DPH5: variants seen among roughly 807,000 people sequenced by gnomAD.
DPH5 encodes the protein diphthamide biosynthesis 5.
Under a neutral mutation model 31.6 loss-of-function variants are expected in DPH5, and 31 were observed. The observed-to-expected ratio is 0.98, with a 90% CI of 0.74 to 1.32. The LOEUF is 1.32. DPH5 is among the 40% of genes most tolerant of loss of function. The probability of loss-of-function intolerance (pLI) is 0.00; values close to 1 mark genes in which losing one functional copy is unlikely to be tolerated. For missense variants in DPH5, 309 were observed against 335.7 expected (o/e 0.92, Z 0.62); for synonymous variants, 120 against 115.0 (o/e 1.04, Z -0.28).
At chr1:101,002,099 G>C (rs1257380039) in intron 4 of DPH5, among the ~76,000 whole-genome samples, 2 of 152,140 alleles carry the variant, frequency 1.3e-5, no homozygotes, top group East Asian at 3.8e-4. Context: ...AGAAAACAAA[G>C]CATATGCTCA....
chr1:101,025,641 A>C (rs1364092758), intron 1 of DPH5, 42 bp downstream of exon 1: 1 of 631,034 alleles, frequency 1.6e-6, no homozygotes, highest in Non-Finnish European at 2.7e-6. Context: ...CAACCCTACC[A>C]GTTTTGCCTC....
At position 101,023,930 on chromosome 1, in the gene DPH5, CT is replaced by C. The variant is rs149730532; in HGVS notation, c.135+1378del. 5.2e-3 allele frequency among the ~76,000 whole-genome samples: 786 copies of C among 152,292 alleles called. 4 individuals carry two copies. Among genetic ancestry groups the C allele is most frequent in the Admixed American group, 9.5e-3 (145 of 15,310 alleles). ...ACCAAACTTTCCTCTATGCCATCCCCTGATATCTCATTCTATCAAACTGCTG... is the reference window on the plus strand; with the variant it reads ...ACCAAACTTTCCTCTATGCCATCCCCGATATCTCATTCTATCAAACTGCTG... On this transcript the variant is annotated intron_variant, in intron 2 of 7. Coordinates refer to ENST00000370109, the MANE Select transcript of DPH5 (RefSeq NM_015958.3).
At chr1:101,007,107 G>A (rs900757571) in intron 4 of DPH5, among the ~76,000 whole-genome samples, 19 of 152,088 alleles carry the variant, frequency 1.2e-4, no homozygotes, top group African/African-American at 4.6e-4. Flanking sequence ...AAGTATTTCA[G>A]AATTTGTAAT....
At chr1:100,992,551 A>G in intron 7 of DPH5, 86 bp downstream of exon 7, 1 of 901,742 alleles carries the variant, frequency 1.1e-6, no homozygotes, top group South Asian at 2.0e-5. Context: ...TCTTGCTTCC[A>G]TAGTGGTATG....
At chr1:101,010,535 C>A (rs1401035706) in intron 4 of DPH5, among the ~76,000 whole-genome samples, 1 of 152,122 alleles carries the variant, frequency 6.6e-6, no homozygotes, top group African/African-American at 2.4e-5. Flanking sequence ...ACAAAAACAA[C>A]AGAATAGTTC....
rs373947841 is a variant in DPH5 at position 100,992,731 on chromosome 1, C to T, written c.540G>A (p.Lys180=). Residue 180 remains lysine, a synonymous_variant, in exon 7 of 8, where the codon AAG becomes AAA. Transcript: ENST00000370109. ...QSLENLIKGR[K]IYEPPRYMSV... Reference sequence around the variant, plus strand: ...TCATATACCGTGGAGGTTCATAGATCTTCCTTCCCCTATAGGCAGAAAACT... The same window carrying T: ...TCATATACCGTGGAGGTTCATAGATTTTCCTTCCCCTATAGGCAGAAAACT... The T allele has an allele frequency of 1.9e-6, 3 of 1,611,850 alleles. No homozygotes were observed. The highest frequency in any genetic ancestry group is 2.7e-5 in the African/African-American group (2 of 74,994).
At position 100,990,266 on chromosome 1, in the gene DPH5, C is replaced by A. The variant is rs1657545076; in HGVS notation, c.*142G>T. 1 of 714,310 alleles carries A rather than the reference C, an allele frequency of 1.4e-6. No individual in the cohort carries two copies. Among genetic ancestry groups the A allele is most frequent in the South Asian group, 1.8e-5 (1 of 56,656 alleles). 44.2% of individuals were successfully genotyped at this position (714,310 alleles called of 1,614,324 possible). On this transcript the variant is annotated 3_prime_UTR_variant, in exon 8 of 8. Transcript: ENST00000370109. ...CATGAGAATAGCATGAGGGAAACTG[C>A]CCCCATGATTCAATTACCTACCACA... is the stretch of plus-strand genomic sequence containing the variant.
intron 4 of DPH5, 190 bp downstream of exon 4, chr1:101,013,520 C>A: frequency 2.4e-6 from 1 of 409,932 alleles, no homozygotes; most frequent in East Asian, 3.6e-5. Flanking sequence ...CATTCGATTC[C>A]AATAAGGGGG....
chr1:101,021,965 G>A (rs1251493345), intron 2 of DPH5, among the ~76,000 whole-genome samples, 200 bp from the exon 3 acceptor site: 1 of 152,034 alleles, frequency 6.6e-6, no homozygotes, highest in East Asian at 1.9e-4. Flanking sequence ...ATTAAACTCT[G>A]TATTTGGGGC....
At chr1:100,999,600 G>T (rs547186330) in intron 5 of DPH5, among the ~76,000 whole-genome samples, 2 of 151,982 alleles carry the variant, frequency 1.3e-5, no homozygotes, top group African/African-American at 2.4e-5. Context: ...CAGCACTTTG[G>T]GGGGCAGAGG....
At position 101,025,291 on chromosome 1, in the gene DPH5, G is replaced by A. The variant is rs1208376565; in HGVS notation, c.135+18C>T. 5.6e-6 allele frequency: 9 copies of A among 1,612,404 alleles called. No individual in the cohort carries two copies. The highest frequency in any genetic ancestry group is 1.1e-5 in the South Asian group (1 of 90,824). On this transcript the variant is annotated intron_variant, in intron 2 of 7. Coordinates refer to ENST00000370109, the MANE Select transcript of DPH5 (RefSeq NM_015958.3). ...GATAGCTTTCTTCCCAGGAGGCTGGGGAACGCTCAGCACCTACCAAGGCTT... is the reference window on the plus strand; with the variant it reads ...GATAGCTTTCTTCCCAGGAGGCTGGAGAACGCTCAGCACCTACCAAGGCTT...
intron 3 of DPH5, among the ~76,000 whole-genome samples, chr1:101,020,426 C>G (rs1382003683): frequency 6.6e-6 from 1 of 152,056 alleles, no homozygotes; most frequent in Non-Finnish European, 1.5e-5. Flanking sequence ...TGCTTTTTCT[C>G]CCTCCTCCTC....
intron 5 of DPH5, among the ~76,000 whole-genome samples, chr1:101,000,929 A>T (rs572287805): frequency 6.6e-6 from 1 of 152,346 alleles, no homozygotes; most frequent in Non-Finnish European, 1.5e-5. Flanking sequence ...TATTATTAAA[A>T]GGCTATCTGA....
intron 4 of DPH5, among the ~76,000 whole-genome samples, chr1:101,005,931 G>C (rs1179733138): frequency 6.6e-6 from 1 of 152,108 alleles, no homozygotes; most frequent in Non-Finnish European, 1.5e-5. Context: ...GTGAGGGGGG[G>C]AGCAGTTACC....
chr1:101,022,869 TAC>T (rs1414264990), intron 2 of DPH5: 6 of 152,142 alleles, frequency 3.9e-5, no homozygotes, highest in Non-Finnish European at 5.9e-5. Flanking sequence ...TCCTTAAGAA[TAC>T]AGAGACACAG....
chr1:101,008,618 C>T (rs193225149), intron 4 of DPH5, among the ~76,000 whole-genome samples: 1 of 152,178 alleles, frequency 6.6e-6, no homozygotes, highest in Admixed American at 6.5e-5. Flanking sequence ...CCTAGACAGC[C>T]AAGGTTTCTT....
chr1:101,013,617 G>T, intron 4 of DPH5, 93 bp downstream of exon 4: 2 of 915,790 alleles, frequency 2.2e-6, no homozygotes, highest in Admixed American at 2.4e-5. Context: ...TATGTTTTAT[G>T]ATTCATAAAA....
At position 101,022,171 on chromosome 1, in the gene DPH5, G is replaced by A. The variant is rs915613049; in HGVS notation, c.136-406C>T. Among the ~76,000 whole-genome samples, 3 of 152,116 alleles carry A rather than the reference G, an allele frequency of 2.0e-5. No individual in the cohort carries two copies. In the East Asian group the frequency reaches 5.8e-4, roughly 29 times the overall value. ...TAAACAATAAGTTTAAACAAACATG[G>A]TGGTTTAGCTTTTATTAAATTTTCA... On this transcript the variant is annotated intron_variant, in intron 2 of 7. Transcript: ENST00000370109.
chr1:101,014,263 T>A (rs1659906638), intron 3 of DPH5, among the ~76,000 whole-genome samples: 1 of 152,246 alleles, frequency 6.6e-6, no homozygotes, highest in South Asian at 2.1e-4. Context: ...TTTGTCTTTG[T>A]ATTTAAAATA....
Sources: allele counts gnomAD v4.1 joint callset (sites outside exome capture counted in the v4.1 genomes callset), GRCh38; gene constraint gnomAD v4.1.1; transcripts MANE v1.5; gene names NCBI Gene and HGNC (gene_info 2026-07-23, HGNC 2026-07-21).